Variants in ADAMTS6 observed in about 807,000 individuals in gnomAD.
ADAMTS6 encodes A disintegrin and metalloproteinase with thrombospondin motifs 6.
ADAMTS6 carries 23 observed loss-of-function variants against 144.3 expected under a neutral mutation model. That is an observed-to-expected ratio of 0.16 (90% CI 0.11 to 0.23). ADAMTS6 has a LOEUF of 0.23. Ranked by LOEUF, ADAMTS6 falls within the 10% of genes least tolerant of loss-of-function variation. ADAMTS6 has a pLI of 1.00. For synonymous variants in ADAMTS6, 444 were observed against 457.5 expected, an observed-to-expected ratio of 0.97 and a Z score of 0.38; for missense variants, 999 against 1,379.6, an observed-to-expected ratio of 0.72 and a Z score of 4.37.
intron 15 of ADAMTS6, among the ~76,000 whole-genome samples, chr5:65,235,716 C>A (rs1378300518): frequency 6.6e-6 from 1 of 152,126 alleles, no homozygotes; most frequent in Non-Finnish European, 1.5e-5. Context: ...TGCTCCTCAG[C>A]CTGTAGATGG....
intron 7 of ADAMTS6, among the ~76,000 whole-genome samples, chr5:65,351,954 C>T (rs915247395): frequency 5.3e-5 from 8 of 152,180 alleles, no homozygotes; most frequent in African/African-American, 1.9e-4. Flanking sequence ...TCAAGTCACC[C>T]ACTACTATCA....
chr5:65,360,518 A>G (rs762998570), intron 7 of ADAMTS6, among the ~76,000 whole-genome samples: 5 of 152,164 alleles, frequency 3.3e-5, no homozygotes, highest in Non-Finnish European at 5.9e-5. Context: ...GTACATATAT[A>G]CTATTTTTGT....
chr5:65,424,119 T>G (rs942233641), intron 7 of ADAMTS6, among the ~76,000 whole-genome samples: 1 of 152,206 alleles, frequency 6.6e-6, no homozygotes, highest in Non-Finnish European at 1.5e-5. Context: ...CGACTACTTT[T>G]TCTTTTCTTT....
intron 11 of ADAMTS6, among the ~76,000 whole-genome samples, chr5:65,290,276 C>A (rs1356858549): frequency 1.3e-5 from 2 of 152,086 alleles, no homozygotes; most frequent in Admixed American, 1.3e-4. Context: ...TCAGGCCAGG[C>A]GCAGTGGCTC....
chr5:65,199,213 A>C (rs1755582006), intron 20 of ADAMTS6, among the ~76,000 whole-genome samples: 2 of 152,208 alleles, frequency 1.3e-5, no homozygotes, highest in African/African-American at 4.8e-5. Context: ...TTTCTCAGGA[A>C]GGAATAAACA....
rs754828205 is a variant in ADAMTS6 at position 65,459,744 on chromosome 5, T to C, written c.631+426A>G. Among the ~76,000 whole-genome samples, 52 of 152,184 alleles carry C rather than the reference T, an allele frequency of 3.4e-4. 1 individual carries two copies. The highest frequency in any genetic ancestry group is 1.2e-3 in the Admixed American group (18 of 15,278). On this transcript the variant is annotated intron_variant, in intron 4 of 24. Transcript: ENST00000381055. ...TTGCCCGTACTACATATTTCTATAG[T>C]ATCCTCGCTCAGTGCTAACACTACT...
At chr5:65,229,223 C>T (rs963934540) in intron 15 of ADAMTS6, among the ~76,000 whole-genome samples, 16 of 152,092 alleles carry the variant, frequency 1.1e-4, no homozygotes, top group African/African-American at 3.4e-4. Context: ...TTAAGAATTC[C>T]TCCCCAAGAG....
intron 21 of ADAMTS6, among the ~76,000 whole-genome samples, chr5:65,190,944 T>C (rs370358885): frequency 7.2e-4 from 109 of 152,238 alleles, no homozygotes; most frequent in African/African-American, 2.5e-3. Context: ...CTCTCCCATC[T>C]AGTTTAAGAC....
At chr5:65,254,238 T>C (rs1670860808) in intron 14 of ADAMTS6, among the ~76,000 whole-genome samples, 1 of 152,140 alleles carries the variant, frequency 6.6e-6, no homozygotes, top group Non-Finnish European at 1.5e-5. Context: ...AATAGATTTT[T>C]AAAATGTAGA....
intron 7 of ADAMTS6, among the ~76,000 whole-genome samples, chr5:65,392,132 C>T (rs1344969909): frequency 6.6e-6 from 1 of 152,122 alleles, no homozygotes; most frequent in African/African-American, 2.4e-5. Flanking sequence ...TGAGGTTATA[C>T]ATTCTTGAGA....
chr5:65,178,696 C>T (rs1184384219), intron 22 of ADAMTS6, among the ~76,000 whole-genome samples: 1 of 152,226 alleles, frequency 6.6e-6, no homozygotes, highest in Non-Finnish European at 1.5e-5. Context: ...GCACAAGAAG[C>T]AGATAAACTA....
chr5:65,460,159 C>A lies in ADAMTS6; in HGVS notation c.631+11G>T, dbSNP rs775817516. On this transcript the variant is annotated intron_variant, in intron 4 of 24. Transcript: ENST00000381055. ...TACAATACGCTTTGTAAAAGCTGCA[C>A]ACTCACTCACCCGAAACCCCACAAT... 16 of 1,613,208 alleles carry A rather than the reference C, an allele frequency of 9.9e-6. No individual in the cohort carries two copies. The South Asian group carries it at 1.8e-4, about 18-fold the overall frequency.
chr5:65,282,264 A>G (rs1430549138), intron 11 of ADAMTS6, among the ~76,000 whole-genome samples: 1 of 152,124 alleles, frequency 6.6e-6, no homozygotes, highest in African/African-American at 2.4e-5. Flanking sequence ...GGGGAGTTCC[A>G]GGTCATAGAT....
At chr5:65,263,056 G>T in intron 12 of ADAMTS6, 94 bp from the exon 13 acceptor site, 1 of 1,478,990 alleles carries the variant, frequency 6.8e-7, no homozygotes, top group Non-Finnish European at 9.2e-7. Flanking sequence ...ACCAACTATA[G>T]GCATTAGCAT....
intron 14 of ADAMTS6, among the ~76,000 whole-genome samples, chr5:65,248,290 A>AT (rs945502897): frequency 1.3e-4 from 19 of 151,736 alleles, no homozygotes; most frequent in Admixed American, 1.1e-3. Flanking sequence ...ATAGTTTCTG[A>AT]TTTTTTTTCA....
intron 7 of ADAMTS6, among the ~76,000 whole-genome samples, chr5:65,435,947 C>T (rs1580703312): frequency 6.6e-6 from 1 of 151,464 alleles, no homozygotes; most frequent in East Asian, 2.0e-4. Context: ...TAAATAAAAA[C>T]AATGAATATT....
intron 7 of ADAMTS6, among the ~76,000 whole-genome samples, chr5:65,384,727 C>T (rs1359958785): frequency 6.6e-6 from 1 of 152,198 alleles, no homozygotes; most frequent in Non-Finnish European, 1.5e-5. Flanking sequence ...CCAACCTCTA[C>T]CCATTACTAA....
chr5:65,338,230 A>C (rs995440946), intron 7 of ADAMTS6, among the ~76,000 whole-genome samples: 2 of 152,236 alleles, frequency 1.3e-5, no homozygotes, highest in Admixed American at 6.5e-5. Context: ...AAAAAGAATT[A>C]AGAAAGTTGG....
intron 7 of ADAMTS6, 22 bp from the exon 8 acceptor site, chr5:65,334,107 A>T: frequency 6.6e-7 from 1 of 1,518,926 alleles, no homozygotes; most frequent in Non-Finnish European, 8.8e-7. Flanking sequence ...ACAGAGATGA[A>T]ATTTGTAATC....
Sources: gnomAD v4.1 joint callset for allele counts (sites outside exome capture counted in the v4.1 genomes callset) on GRCh38, gnomAD v4.1.1 for gene constraint, MANE v1.5 for transcripts, NCBI Gene and HGNC (gene_info 2026-07-23, HGNC 2026-07-21) for gene names.